Variants in STXBP6 observed in about 807,000 individuals in gnomAD.
STXBP6 encodes the protein syntaxin binding protein 6.
STXBP6 carries 21 observed loss-of-function variants against 26.9 expected under a neutral mutation model. The ratio of observed to expected loss-of-function variants is 0.78; its 90% CI spans 0.55 to 1.12. STXBP6 has a LOEUF of 1.12. STXBP6 is among the 50% of genes most tolerant of loss of function. The pLI is 0.00. For synonymous variants in STXBP6, 97 were observed against 92.6 expected, an observed-to-expected ratio of 1.05 and a Z score of -0.27; for missense variants, 232 against 257.9, an observed-to-expected ratio of 0.90 and a Z score of 0.69.
intron 2 of STXBP6, among the ~76,000 whole-genome samples, chr14:24,902,960 A>G (rs2071265259): frequency 6.6e-6 from 1 of 152,178 alleles, no homozygotes; most frequent in Non-Finnish European, 1.5e-5. Flanking sequence ...GTTATTTAAA[A>G]TATTTTGCAA....
chr14:25,050,069 TG>T lies in STXBP6; in HGVS notation c.-225del, dbSNP rs1164200106. The T allele has an allele frequency of 1.2e-5, 2 of 169,470 alleles. No individual in the cohort carries two copies. Among genetic ancestry groups the T allele is most frequent in the Admixed American group, 6.6e-5 (1 of 15,262 alleles). 10.5% of individuals were successfully genotyped at this position (169,470 alleles called of 1,614,324 possible). ...CTGCCGCGCGCGAAAAGGGAGGGGT[TG>T]GGGGGAAACTCCCGGCAACTCCAAC... is the stretch of plus-strand genomic sequence containing the variant. On this transcript the variant is annotated 5_prime_UTR_variant, in exon 1 of 6. Coordinates refer to ENST00000323944, the MANE Select transcript of STXBP6 (RefSeq NM_001394410.1).
intron 2 of STXBP6, among the ~76,000 whole-genome samples, chr14:24,966,926 G>A (rs923155989): frequency 2.0e-5 from 3 of 152,202 alleles, no homozygotes; most frequent in African/African-American, 4.8e-5. Flanking sequence ...GCCTAAACCT[G>A]TAGGAGACCA....
At chr14:24,910,643 G>A (rs912966811) in intron 2 of STXBP6, among the ~76,000 whole-genome samples, 1 of 152,168 alleles carries the variant, frequency 6.6e-6, no homozygotes, top group Non-Finnish European at 1.5e-5. Context: ...GCAGGTCACA[G>A]GACTAGAAAA....
intron 1 of STXBP6, among the ~76,000 whole-genome samples, chr14:25,006,559 C>T (rs1436137426): frequency 1.3e-5 from 2 of 152,024 alleles, no homozygotes; most frequent in Non-Finnish European, 2.9e-5. Context: ...ATATTAGGGC[C>T]CAGAAGACGC....
At chr14:24,965,948 TAC>T (rs2073720135) in intron 2 of STXBP6, among the ~76,000 whole-genome samples, 1 of 152,220 alleles carries the variant, frequency 6.6e-6, no homozygotes, top group African/African-American at 2.4e-5. Context: ...GTCTGCCAGG[TAC>T]ACAGTGCCTT....
At chr14:24,978,033 A>G (rs1384185815) in intron 1 of STXBP6, among the ~76,000 whole-genome samples, 1 of 152,250 alleles carries the variant, frequency 6.6e-6, no homozygotes, top group African/African-American at 2.4e-5. Context: ...TGGAGCACAC[A>G]TGTATACATG....
At chr14:25,009,987 G>A (rs2074994090) in intron 1 of STXBP6, among the ~76,000 whole-genome samples, 1 of 152,148 alleles carries the variant, frequency 6.6e-6, no homozygotes. Context: ...GCTAACAACA[G>A]TGGCTCACTG....
chr14:25,042,901 A>G lies in STXBP6; in HGVS notation c.-33+6977T>C, dbSNP rs190773920. ...TTTAGTATCATGCCTCTTGGACCCAAATACGTTGATGTTCACGTAATGCTG... is the reference window on the plus strand; with the variant it reads ...TTTAGTATCATGCCTCTTGGACCCAGATACGTTGATGTTCACGTAATGCTG... On this transcript the variant is annotated intron_variant, in intron 1 of 5. Coordinates refer to ENST00000323944, the MANE Select transcript of STXBP6 (RefSeq NM_001394410.1). 1.3e-4 allele frequency among the ~76,000 whole-genome samples: 20 copies of G among 152,354 alleles called. No individual in the cohort carries two copies. In the East Asian group the frequency reaches 3.3e-3, roughly 25 times the overall value.
At chr14:24,947,799 T>A (rs369980558) in intron 2 of STXBP6, among the ~76,000 whole-genome samples, 52 of 152,250 alleles carry the variant, frequency 3.4e-4, no homozygotes, top group African/African-American at 1.1e-3. Context: ...ATCCAAACAG[T>A]CTTCTTGAAA....
intron 1 of STXBP6, among the ~76,000 whole-genome samples, chr14:24,977,168 C>G (rs1251840781): frequency 6.6e-6 from 1 of 151,884 alleles, no homozygotes; most frequent in Non-Finnish European, 1.5e-5. Flanking sequence ...CCTGTCTCAC[C>G]CGGTGTTCTC....
intron 2 of STXBP6, among the ~76,000 whole-genome samples, chr14:24,862,730 G>A (rs1334902252): frequency 6.6e-6 from 1 of 152,162 alleles, no homozygotes; most frequent in Non-Finnish European, 1.5e-5. Flanking sequence ...GCTTTGTAAA[G>A]CAGTTTGGGT....
At chr14:24,912,032 C>G (rs1303594232) in intron 2 of STXBP6, among the ~76,000 whole-genome samples, 1 of 152,080 alleles carries the variant, frequency 6.6e-6, no homozygotes, top group Admixed American at 6.6e-5. Flanking sequence ...CCACTGTATT[C>G]AACTTGTGCA....
At chr14:24,875,870 G>A (rs1283215000) in intron 2 of STXBP6, among the ~76,000 whole-genome samples, 2 of 152,204 alleles carry the variant, frequency 1.3e-5, no homozygotes, top group Non-Finnish European at 2.9e-5. Context: ...GGTGATTGAA[G>A]TGCAGTCATA....
At chr14:24,873,835 T>G (rs1452088779) in intron 2 of STXBP6, among the ~76,000 whole-genome samples, 1 of 152,174 alleles carries the variant, frequency 6.6e-6, no homozygotes, top group Admixed American at 6.5e-5. Flanking sequence ...GCAGGAACAG[T>G]GTCCAAGCAT....
chr14:24,857,273 C>CA lies in STXBP6; in HGVS notation c.155-117dup. On this transcript the variant is annotated intron_variant, in intron 2 of 5. Coordinates refer to ENST00000323944, the MANE Select transcript of STXBP6 (RefSeq NM_001394410.1). ...TATATGCACAATAACAGAGAGAAGG[C>CA]AGAGGGGGAAAGGAGGGAATATGAA... The CA allele has an allele frequency of 2.2e-6, 3 of 1,360,078 alleles. No homozygotes were observed. The South Asian group carries it at 4.1e-5, about 19-fold the overall frequency. 84.3% of individuals were successfully genotyped at this position (1,360,078 alleles called of 1,614,324 possible). A position where few individuals can be genotyped will look rare whatever the true frequency, so the allele number is the denominator to read the frequency against.
chr14:24,938,806 C>T (rs1340440772), intron 2 of STXBP6, among the ~76,000 whole-genome samples: 1 of 152,172 alleles, frequency 6.6e-6, no homozygotes, highest in Non-Finnish European at 1.5e-5. Context: ...AGTCCCTGCC[C>T]ACTGGCTAGA....
In STXBP6 at chr14:24,857,051, C is replaced by G. The variant is rs762204092; in HGVS notation, c.261G>C (p.Gln87His). The change falls in exon 3 of 6, where the codon CAG becomes CAC. Residue 87 changes from glutamine (Q) to histidine (H), a missense_variant. By Grantham distance (24) the Gln-to-His change is conservative. Coordinates refer to ENST00000323944, the MANE Select transcript of STXBP6 (RefSeq NM_001394410.1). ...CCCCATTAGGATCGATACCATTAAC[C>G]TGGCGAAGCTGCTCGAGCATCCACT... ...RSQWMLEQLR[Q>H]VNGIDPNGDS... is the part of the protein sequence containing the mutation. 2 of 1,612,906 alleles carry G rather than the reference C, an allele frequency of 1.2e-6. No individual in the cohort carries two copies. The highest frequency in any genetic ancestry group is 2.2e-5 in the South Asian group (2 of 91,042).
intron 5 of STXBP6, 37 bp from the exon 6 acceptor site, chr14:24,812,769 T>C (rs1394096936): frequency 6.2e-7 from 1 of 1,602,314 alleles, no homozygotes; most frequent in South Asian, 1.1e-5. Flanking sequence ...TAAGACTTTA[T>C]TAGCAGGTAT....
At chr14:24,850,562 A>G (rs2139119254) in intron 4 of STXBP6, among the ~76,000 whole-genome samples, 1 of 152,304 alleles carries the variant, frequency 6.6e-6, no homozygotes, top group Non-Finnish European at 1.5e-5. Flanking sequence ...TTGCAATAAG[A>G]GAGAGCTAAT....
Sources: allele counts gnomAD v4.1 joint callset (sites outside exome capture counted in the v4.1 genomes callset), GRCh38; gene constraint gnomAD v4.1.1; transcripts MANE v1.5; gene names NCBI Gene and HGNC (gene_info 2026-07-23, HGNC 2026-07-21).